The following ABCB7 variants were observed in gnomAD, a reference collection of about 807,000 sequenced individuals.
ABCB7 encodes the protein ATP binding cassette subfamily B member 7.
A neutral mutation model predicts 54.4 loss-of-function variants in ABCB7; 7 were observed. That is an observed-to-expected ratio of 0.13 (90% CI 0.07 to 0.24). The LOEUF (loss-of-function observed/expected upper bound fraction) is 0.24, where lower values mean the gene tolerates loss of function less well. Ranked by LOEUF, ABCB7 falls within the 10% of genes least tolerant of loss-of-function variation. The pLI is 1.00. For synonymous variants in ABCB7, 218 were observed against 207.1 expected (o/e 1.05, Z -0.45); for missense variants, 356 against 570.4 (o/e 0.62, Z 3.83).
chrX:75,147,888 G>T (rs1244430584), intron 1 of ABCB7, among the ~76,000 whole-genome samples: 2 of 112,160 alleles, frequency 1.8e-5, no homozygotes, highest in Non-Finnish European at 3.8e-5. Flanking sequence ...GGCCGAGGTG[G>T]GCGGATCACC....
chrX:75,109,110 G>A (rs776979230), intron 3 of ABCB7, among the ~76,000 whole-genome samples: 1 of 111,565 alleles, frequency 9.0e-6, no homozygotes, highest in East Asian at 2.8e-4. Flanking sequence ...AACTCAGTAG[G>A]GTGTAACTGG....
intron 4 of ABCB7, among the ~76,000 whole-genome samples, chrX:75,096,858 A>G (rs2081596069): frequency 9.1e-6 from 1 of 109,839 alleles, no homozygotes; most frequent in African/African-American, 3.3e-5. Flanking sequence ...ACTGCACAGT[A>G]TCTCTTGTAT....
In ABCB7 at chrX:75,124,124, C is replaced by T. The variant is rs771251871; in HGVS notation, c.169-9293G>A. Reference sequence around the variant, plus strand: ...TGCTGACCCCTGCTCTAAATAATTTCTAACACCCCTCAACCTCCAAGGATT... The same window carrying T: ...TGCTGACCCCTGCTCTAAATAATTTTTAACACCCCTCAACCTCCAAGGATT... On this transcript the variant is annotated intron_variant, in intron 1 of 15. Transcript: ENST00000373394. 5.4e-5 allele frequency among the ~76,000 whole-genome samples: 6 copies of T among 112,003 alleles called. No individual in the cohort carries two copies. The East Asian group carries it at 1.7e-3, about 31-fold the overall frequency.
intron 1 of ABCB7, among the ~76,000 whole-genome samples, chrX:75,130,173 A>G (rs1351939225): frequency 1.8e-5 from 2 of 111,939 alleles, no homozygotes; most frequent in African/African-American, 6.5e-5. Context: ...TTCTGTTGCT[A>G]TTAAGGCATA....
intron 3 of ABCB7, among the ~76,000 whole-genome samples, chrX:75,102,623 C>A (rs1377439019): frequency 1.8e-5 from 2 of 111,719 alleles, no homozygotes; most frequent in Non-Finnish European, 1.9e-5. Context: ...ATACAACATG[C>A]AGGTATCCTT....
intron 1 of ABCB7, among the ~76,000 whole-genome samples, chrX:75,119,807 C>A (rs2081859239): frequency 8.9e-6 from 1 of 111,763 alleles, no homozygotes; most frequent in Admixed American, 9.5e-5. Context: ...CAATTGTATG[C>A]CACAGAAGTA....
At position 75,062,083 on chromosome X, in the gene ABCB7, T is replaced by A. The variant is rs5981316; in HGVS notation, c.1935+245A>T. 0.029 allele frequency among the ~76,000 whole-genome samples: 3,227 copies of A among 112,424 alleles called. 117 individuals are homozygous for A. Among genetic ancestry groups the A allele is most frequent in the African/African-American group, 0.1 (3,086 of 30,912 alleles). Reference sequence around the variant, plus strand: ...AGGGCAATACAACAACAGCATAAGGTATCACATAGTTCCAAAAGGAGACAC... The same window carrying A: ...AGGGCAATACAACAACAGCATAAGGAATCACATAGTTCCAAAAGGAGACAC... On this transcript the variant is annotated intron_variant, in intron 14 of 15. Transcript: ENST00000373394.
intron 5 of ABCB7, 40 bp downstream of exon 5, chrX:75,076,481 GA>G (rs2081409875): frequency 8.3e-7 from 1 of 1,201,576 alleles, no homozygotes; most frequent in Non-Finnish European, 1.1e-6. Flanking sequence ...CCTCCTTGAA[GA>G]AAGTCAACAC....
chrX:75,062,025 T>C (rs1456550048), intron 14 of ABCB7, among the ~76,000 whole-genome samples: 2 of 112,446 alleles, frequency 1.8e-5, no homozygotes, highest in East Asian at 2.8e-4. Flanking sequence ...TTTGTCAGCA[T>C]ATCAGGTGAT....
At chrX:75,075,964 C>T (rs749825615) in intron 5 of ABCB7, among the ~76,000 whole-genome samples, 36 of 110,922 alleles carry the variant, frequency 3.2e-4, no homozygotes, top group African/African-American at 1.1e-3. Context: ...TTTAATCTTC[C>T]TAAATAACAA....
At chrX:75,121,155 G>T (rs753191398) in intron 1 of ABCB7, among the ~76,000 whole-genome samples, 26 of 109,521 alleles carry the variant, frequency 2.4e-4, no homozygotes, top group Non-Finnish European at 4.4e-4. Flanking sequence ...CAGGTATGGT[G>T]GCATGTGCCT....
intron 4 of ABCB7, among the ~76,000 whole-genome samples, chrX:75,082,086 T>C (rs758250285): frequency 9.0e-6 from 1 of 111,293 alleles, no homozygotes; most frequent in East Asian, 2.8e-4. Context: ...GACATAAACC[T>C]ATAATTTCAA....
In ABCB7 at chrX:75,065,215, A is replaced by G; in HGVS notation, c.1686T>C (p.Ile562=). The G allele has an allele frequency of 8.3e-7, 1 of 1,208,245 alleles. No homozygotes were observed. The highest frequency in any genetic ancestry group is 1.1e-6 in the Non-Finnish European group (1 of 892,473). ...TGTTTCCATATAAGAGGTTGTAATA[A>G]ATAGTATTATGGAAGAGGACAGCAT... ...PQDAVLFHNT[I]YYNLLYGNIS... Residue 562 remains isoleucine (I), a synonymous_variant, in exon 13 of 16, where the codon ATT becomes ATC. Coordinates refer to ENST00000373394, the MANE Select transcript of ABCB7 (RefSeq NM_001271696.3).
chrX:75,062,574 A>G, intron 13 of ABCB7, 143 bp from the exon 14 acceptor site: 1 of 501,769 alleles, frequency 2.0e-6, no homozygotes, highest in Non-Finnish European at 3.5e-6. Flanking sequence ...TGAGTTGTAG[A>G]GTTGAAGTTC....
chrX:75,134,685 T>C (rs2081997471), intron 1 of ABCB7, among the ~76,000 whole-genome samples: 3 of 111,882 alleles, frequency 2.7e-5, no homozygotes, highest in Non-Finnish European at 3.8e-5. Context: ...CTCAATACTA[T>C]AAAAGTACAT....
At chrX:75,135,484 C>G (rs892859496) in intron 1 of ABCB7, among the ~76,000 whole-genome samples, 2 of 110,995 alleles carry the variant, frequency 1.8e-5, no homozygotes, top group Non-Finnish European at 3.8e-5. Flanking sequence ...GAGGCCAGCA[C>G]CAATCTGATA....
At chrX:75,120,133 A>G (rs1287661586) in intron 1 of ABCB7, among the ~76,000 whole-genome samples, 1 of 111,971 alleles carries the variant, frequency 8.9e-6, no homozygotes, top group East Asian at 2.8e-4. Flanking sequence ...CCTTTGTTTT[A>G]TTTTTCAGAG....
chrX:75,055,918 C>T (rs1454517748), intron 15 of ABCB7, among the ~76,000 whole-genome samples: 1 of 109,959 alleles, frequency 9.1e-6, no homozygotes, highest in Admixed American at 9.7e-5. Context: ...AACTTCTGGG[C>T]TCAGGTAATC....
chrX:75,075,865 A>T (rs1402011004), intron 5 of ABCB7, among the ~76,000 whole-genome samples: 1 of 111,933 alleles, frequency 8.9e-6, no homozygotes, highest in African/African-American at 3.2e-5. Flanking sequence ...ATTAAAAGAT[A>T]TTTTTTCCAA....
Sources: gnomAD v4.1 joint callset for allele counts (sites outside exome capture counted in the v4.1 genomes callset) on GRCh38, gnomAD v4.1.1 for gene constraint, MANE v1.5 for transcripts, NCBI Gene and HGNC (gene_info 2026-07-23, HGNC 2026-07-21) for gene names.